Variants in SLC22A23 observed in about 807,000 individuals in gnomAD.
SLC22A23 encodes solute carrier family 22 member 23.
In SLC22A23, 26 loss-of-function variants were observed where a neutral mutation model predicts 61.0. The observed-to-expected ratio is 0.43, with a 90% confidence interval of 0.31 to 0.59. The LOEUF is 0.59. Among genes scored for constraint, SLC22A23 ranks in the 20% least tolerant of loss-of-function variants. The pLI, the probability that SLC22A23 is intolerant of heterozygous loss-of-function variation, is 0.11. For synonymous variants in SLC22A23, 430 were observed against 413.9 expected (o/e 1.04, Z -0.47); for missense variants, 796 against 934.7 (o/e 0.85, Z 1.94).
chr6:3,442,244 C>T (rs1472789855), intron 1 of SLC22A23, among the ~76,000 whole-genome samples: 3 of 151,850 alleles, frequency 2.0e-5, no homozygotes, highest in Non-Finnish European at 2.9e-5. Context: ...CAGAAGGTAG[C>T]GTGGGGTTGC....
intron 9 of SLC22A23, chr6:3,282,196 TGTTTGATAAAGGAGAGAA>T: frequency 1.4e-6 from 1 of 702,534 alleles, no homozygotes; most frequent in Non-Finnish European, 2.6e-6. Context: ...TTTGCTGTTT[TGTTTGATAAAGGAGAGAA>T]ATTTCACTTT....
At chr6:3,281,279 A>G (rs375753711) in intron 9 of SLC22A23, among the ~76,000 whole-genome samples, 1 of 152,246 alleles carries the variant, frequency 6.6e-6, no homozygotes, top group East Asian at 1.9e-4. Context: ...GCACTGGCTG[A>G]TGAGAACCAC....
intron 5 of SLC22A23, 99 bp from the exon 6 acceptor site, chr6:3,289,965 A>C (rs1581620862): frequency 1.4e-6 from 1 of 734,706 alleles, no homozygotes; most frequent in Non-Finnish European, 2.3e-6. Context: ...CGGGTACCAC[A>C]GAAGGGAGAG....
intron 3 of SLC22A23, among the ~76,000 whole-genome samples, chr6:3,348,601 A>G (rs930352926): frequency 3.9e-5 from 6 of 152,204 alleles, no homozygotes; most frequent in Non-Finnish European, 7.3e-5. Flanking sequence ...TCACACGAGC[A>G]TCCACCACAT....
intron 1 of SLC22A23, among the ~76,000 whole-genome samples, chr6:3,455,306 G>A (rs1389402753): frequency 6.6e-6 from 1 of 152,222 alleles, no homozygotes; most frequent in African/African-American, 2.4e-5. Flanking sequence ...TATTCTCCGC[G>A]TCCTTCCTAT....
intron 4 of SLC22A23, among the ~76,000 whole-genome samples, chr6:3,305,056 G>C (rs1347867834): frequency 6.6e-6 from 1 of 152,100 alleles, no homozygotes; most frequent in Non-Finnish European, 1.5e-5. Context: ...ATCTCCACTG[G>C]GGGGTAGCAC....
At chr6:3,315,167 CA>C (rs5873876) in intron 4 of SLC22A23, among the ~76,000 whole-genome samples, 66,807 of 149,412 alleles carry the variant, frequency 0.45, 15,262 homozygotes, top group African/African-American at 0.49. Context: ...GGGAAAAGTG[CA>C]AAAAAAAAAA....
intron 1 of SLC22A23, among the ~76,000 whole-genome samples, chr6:3,453,335 G>A (rs2127560769): frequency 6.6e-6 from 1 of 152,282 alleles, no homozygotes; most frequent in African/African-American, 2.4e-5. Flanking sequence ...CTTCCTGCAA[G>A]GAAAAGCAAC....
At chr6:3,369,096 A>T (rs1190651013) in intron 3 of SLC22A23, among the ~76,000 whole-genome samples, 1 of 150,704 alleles carries the variant, frequency 6.6e-6, no homozygotes, top group Non-Finnish European at 1.5e-5. Flanking sequence ...TAATATTCTC[A>T]TGAATAATTT....
chr6:3,387,822 T>C lies in SLC22A23; in HGVS notation c.913+22366A>G, dbSNP rs1431499142. On this transcript the variant is annotated intron_variant, in intron 3 of 9. Transcript: ENST00000406686. The surrounding 1 kb of genome is among the most constrained non-coding windows in gnomAD (Gnocchi z 5.0). ...TAACGAAACCCAAGAGTCGTGGGCTTCTCTGATAAAGTTCTCTGAGGGTGA... is the reference window on the plus strand; with the variant it reads ...TAACGAAACCCAAGAGTCGTGGGCTCCTCTGATAAAGTTCTCTGAGGGTGA... Among the ~76,000 whole-genome samples the C allele has an allele frequency of 6.6e-6, 1 of 152,182 alleles. No homozygotes were observed. Among genetic ancestry groups the C allele is most frequent in the East Asian group, 1.9e-4 (1 of 5,198 alleles).
At chr6:3,376,261 C>T (rs78909581) in intron 3 of SLC22A23, among the ~76,000 whole-genome samples, 8 of 152,320 alleles carry the variant, frequency 5.3e-5, no homozygotes, top group African/African-American at 1.9e-4. Context: ...ATTTCAACGT[C>T]TGATTTGAGC....
intron 1 of SLC22A23, among the ~76,000 whole-genome samples, chr6:3,433,719 A>G (rs1254295760): frequency 6.6e-6 from 1 of 152,236 alleles, no homozygotes; most frequent in Non-Finnish European, 1.5e-5. Flanking sequence ...AATATGGCTC[A>G]GCAACAAACA....
At chr6:3,274,169 T>TA (rs367699262) in intron 9 of SLC22A23, among the ~76,000 whole-genome samples, 2 of 152,340 alleles carry the variant, frequency 1.3e-5, no homozygotes, top group African/African-American at 2.4e-5. Context: ...GATTAGTAGA[T>TA]ACGCAAAACT....
rs1193643109 is a variant in SLC22A23 at position 3,322,168 on chromosome 6, G to A, written c.1082+1666C>T. 6.6e-6 allele frequency among the ~76,000 whole-genome samples: 1 copy of A among 152,074 alleles called. No individual in the cohort carries two copies. The highest frequency in any genetic ancestry group is 1.5e-5 in the Non-Finnish European group (1 of 67,998). On this transcript the variant is annotated intron_variant, in intron 4 of 9. Transcript: ENST00000406686. This position sits in a 1 kb window ranked among gnomAD's most constrained non-coding sequence, Gnocchi z 4.1. Reference sequence around the variant, plus strand: ...GAGTCAGCGGGGGTCAGGGGACCGCGGTTCTGTCCTCTATAGGATGGGCTG... The same window carrying A: ...GAGTCAGCGGGGGTCAGGGGACCGCAGTTCTGTCCTCTATAGGATGGGCTG...
rs977602235 is a variant in SLC22A23 at position 3,318,511 on chromosome 6, G to C, written c.1082+5323C>G. On this transcript the variant is annotated intron_variant, in intron 4 of 9. Transcript: ENST00000406686. This position sits in a 1 kb window ranked among gnomAD's most constrained non-coding sequence, Gnocchi z 4.3. ...CCCTGCCTCACCTGCTGCTCCCACA[G>C]AAACCGCAATAAAGGCTCCTGCCCA... Among the ~76,000 whole-genome samples the C allele has an allele frequency of 6.6e-6, 1 of 152,122 alleles. No individual in the cohort carries two copies. Among genetic ancestry groups the C allele is most frequent in the Non-Finnish European group, 1.5e-5 (1 of 68,024 alleles).
At chr6:3,373,350 T>C (rs959052878) in intron 3 of SLC22A23, among the ~76,000 whole-genome samples, 5 of 152,242 alleles carry the variant, frequency 3.3e-5, no homozygotes, top group African/African-American at 1.2e-4. Context: ...TTGCCCCATC[T>C]GCTTTTCCCC....
intron 3 of SLC22A23, among the ~76,000 whole-genome samples, chr6:3,400,163 C>A (rs1454320000): frequency 6.6e-6 from 1 of 152,220 alleles, no homozygotes; most frequent in Non-Finnish European, 1.5e-5. Flanking sequence ...CAGGCATGAG[C>A]CACCGCGCCC....
intron 3 of SLC22A23, among the ~76,000 whole-genome samples, chr6:3,403,565 A>G (rs1428100108): frequency 6.6e-6 from 1 of 152,132 alleles, no homozygotes; most frequent in Non-Finnish European, 1.5e-5. Flanking sequence ...CACTTTATAG[A>G]TCGGCACTGG....
At chr6:3,408,953 A>G (rs1198107766) in intron 3 of SLC22A23, among the ~76,000 whole-genome samples, 1 of 152,248 alleles carries the variant, frequency 6.6e-6, no homozygotes, top group Non-Finnish European at 1.5e-5. Flanking sequence ...CTTCTCCAGA[A>G]AAGTGCTTAG....
Sources: gnomAD v4.1 joint callset for allele counts (sites outside exome capture counted in the v4.1 genomes callset) on GRCh38, gnomAD v4.1.1 for gene constraint, Gnocchi (gnomAD v3.1) non-coding constraint, MANE v1.5 for transcripts, NCBI Gene and HGNC (gene_info 2026-07-23, HGNC 2026-07-21) for gene names.